The following LRRC40 variants were observed in gnomAD, a reference collection of about 807,000 sequenced individuals.
LRRC40 encodes leucine-rich repeat-containing protein 40.
A neutral mutation model predicts 72.8 loss-of-function variants in LRRC40; 76 were observed. That is an observed-to-expected ratio of 1.04 (90% confidence interval 0.87 to 1.26). The LOEUF (loss-of-function observed/expected upper bound fraction) is 1.26, where lower values mean the gene tolerates loss of function less well. LRRC40 is among the 50% of genes most tolerant of loss of function. The pLI, the probability that LRRC40 is intolerant of heterozygous loss-of-function variation, is 0.00. For missense variants in LRRC40, 684 were observed against 698.9 expected, an observed-to-expected ratio of 0.98 and a Z score of 0.24; for synonymous variants, 243 against 254.2, an observed-to-expected ratio of 0.96 and a Z score of 0.42.
chr1:70,189,120 C>T lies in LRRC40; in HGVS notation c.305G>A (p.Arg102Gln), dbSNP rs761535621. The change falls in exon 2 of 15, where the codon CGA becomes CAA. Residue 102 changes from arginine (R) to glutamine (Q), a missense_variant. Arg to Gln is a conservative substitution (Grantham distance 43). Coordinates refer to ENST00000370952, the MANE Select transcript of LRRC40 (RefSeq NM_017768.5). ...NKLQSLTDDL[R>Q]LLPALTVLDI... ...AAGAACAGTCAGTGCAGGCAAGAGT[C>T]GCAGGTCATCTGTAAGTGACTGAAG... 9 of 1,613,388 alleles carry T rather than the reference C, an allele frequency of 5.6e-6. No homozygotes were observed. In the South Asian group the frequency reaches 6.6e-5, roughly 12 times the overall value.
At chr1:70,178,330 C>A (rs1208049803) in intron 6 of LRRC40, among the ~76,000 whole-genome samples, 1 of 152,136 alleles carries the variant, frequency 6.6e-6, no homozygotes. Flanking sequence ...TTTTTCAGTT[C>A]ATTTTATATA....
intron 11 of LRRC40, 79 bp downstream of exon 11, chr1:70,155,610 G>T: frequency 1.7e-6 from 1 of 591,836 alleles, no homozygotes. Context: ...AAACCAATAT[G>T]GAAAAACCAA....
At chr1:70,192,973 TAAAAA>T (rs956932454) in intron 1 of LRRC40, among the ~76,000 whole-genome samples, 1 of 150,766 alleles carries the variant, frequency 6.6e-6, no homozygotes, top group East Asian at 1.9e-4. Flanking sequence ...AATAAATGTT[TAAAAA>T]AAAACAGTAT....
chr1:70,204,606 G>GTT (rs1668859189), intron 1 of LRRC40, among the ~76,000 whole-genome samples: 1 of 152,028 alleles, frequency 6.6e-6, no homozygotes, highest in Non-Finnish European at 1.5e-5. Flanking sequence ...GTCACAATAA[G>GTT]AAAGCAATCA....
chr1:70,160,976 C>T (rs186873903), intron 9 of LRRC40, among the ~76,000 whole-genome samples: 99 of 151,716 alleles, frequency 6.5e-4, no homozygotes, highest in African/African-American at 2.4e-3. Context: ...AATAGAAGAT[C>T]CTATAGGTTT....
At chr1:70,179,568 T>C (rs574620484) in intron 5 of LRRC40, among the ~76,000 whole-genome samples, 99 of 152,326 alleles carry the variant, frequency 6.5e-4, no homozygotes, top group African/African-American at 2.1e-3. Context: ...AGCTTAAAAG[T>C]ATCATTGTCA....
At chr1:70,155,664 A>G (rs1200210395) in intron 11 of LRRC40, 25 bp downstream of exon 11, 2 of 1,116,034 alleles carry the variant, frequency 1.8e-6, no homozygotes. Context: ...GTCACAACCT[A>G]TAGACATGGC....
chr1:70,187,004 TA>T lies in LRRC40; in HGVS notation c.407+260del, dbSNP rs370951818. ...TAACAAACCACTAAGAATTGTTTTA[TA>T]AAAAAAAAAAAATTTAAGCATTTAA... is the stretch of plus-strand genomic sequence containing the variant. On this transcript the variant is annotated intron_variant, in intron 3 of 14. Coordinates refer to ENST00000370952, the MANE Select transcript of LRRC40 (RefSeq NM_017768.5). 5.2e-3 allele frequency among the ~76,000 whole-genome samples: 722 copies of T among 139,594 alleles called. 7 individuals carry two copies. Among genetic ancestry groups the T allele is most frequent in the African/African-American group, 0.014 (551 of 38,238 alleles). 91.6% of individuals were successfully genotyped at this position (139,594 alleles called of 152,430 possible). A position where few individuals can be genotyped will look rare whatever the true frequency, so the allele number is the denominator to read the frequency against.
chr1:70,205,573 C>G lies in LRRC40; in HGVS notation c.-33G>C, dbSNP rs1668934358. The G allele has an allele frequency of 2.6e-6, 4 of 1,561,498 alleles. No homozygotes were observed. The East Asian group carries it at 9.1e-5, about 36-fold the overall frequency. ...GTCCTAGGTCCAGAAGCTGCAGCCC[C>G]ACCCGTGACGCTTAAAGGTGGCGCC... On this transcript the variant is annotated 5_prime_UTR_variant, in exon 1 of 15. Coordinates refer to ENST00000370952, the MANE Select transcript of LRRC40 (RefSeq NM_017768.5).
At chr1:70,202,997 C>G (rs1223641787) in intron 1 of LRRC40, among the ~76,000 whole-genome samples, 1 of 152,168 alleles carries the variant, frequency 6.6e-6, no homozygotes, top group East Asian at 1.9e-4. Context: ...CTCAAGCAAT[C>G]CTCCCACCTC....
At chr1:70,164,034 G>A (rs1376627365) in intron 9 of LRRC40, among the ~76,000 whole-genome samples, 1 of 152,122 alleles carries the variant, frequency 6.6e-6, no homozygotes, top group East Asian at 1.9e-4. Flanking sequence ...GTCCTCATAT[G>A]GCATAAGGCA....
At chr1:70,164,534 C>CT (rs1360453669) in intron 9 of LRRC40, among the ~76,000 whole-genome samples, 1 of 152,164 alleles carries the variant, frequency 6.6e-6, no homozygotes, top group Non-Finnish European at 1.5e-5. Flanking sequence ...GAAACCATCA[C>CT]TGAAACCACA....
intron 1 of LRRC40, among the ~76,000 whole-genome samples, chr1:70,198,190 A>G (rs1014321835): frequency 6.6e-6 from 1 of 152,170 alleles, no homozygotes; most frequent in African/African-American, 2.4e-5. Flanking sequence ...CTACACAAAT[A>G]AAAGCTAACC....
chr1:70,147,376 A>C (rs1667334068), intron 14 of LRRC40, among the ~76,000 whole-genome samples: 1 of 152,194 alleles, frequency 6.6e-6, no homozygotes, highest in African/African-American at 2.4e-5. Flanking sequence ...CCTAAGGACA[A>C]ATGTGGATTA....
chr1:70,197,822 G>A (rs555377034), intron 1 of LRRC40, among the ~76,000 whole-genome samples: 80 of 152,092 alleles, frequency 5.3e-4, no homozygotes, highest in African/African-American at 1.7e-3. Flanking sequence ...GCTCATGCCT[G>A]TAATCCCAGC....
intron 5 of LRRC40, 58 bp from the exon 6 acceptor site, chr1:70,179,051 G>T: frequency 9.2e-7 from 1 of 1,081,750 alleles, no homozygotes; most frequent in Non-Finnish European, 1.3e-6. Flanking sequence ...GTTTCTGATC[G>T]TATACAACTT....
At chr1:70,197,819 C>A (rs1342026990) in intron 1 of LRRC40, among the ~76,000 whole-genome samples, 1 of 152,034 alleles carries the variant, frequency 6.6e-6, no homozygotes, top group Non-Finnish European at 1.5e-5. Context: ...GTGGCTCATG[C>A]CTGTAATCCC....
At chr1:70,175,032 C>G (rs1178260823) in intron 7 of LRRC40, among the ~76,000 whole-genome samples, 3 of 151,616 alleles carry the variant, frequency 2.0e-5, no homozygotes, top group Admixed American at 2.0e-4. Context: ...TGGGGCTTTA[C>G]AGGGGAGAAG....
At chr1:70,195,470 G>A (rs565450996) in intron 1 of LRRC40, among the ~76,000 whole-genome samples, 1 of 151,330 alleles carries the variant, frequency 6.6e-6, no homozygotes, top group Admixed American at 6.6e-5. Flanking sequence ...TAGTTTTAAA[G>A]GACATGCAAA....
Sources: allele counts gnomAD v4.1 joint callset (sites outside exome capture counted in the v4.1 genomes callset), GRCh38; gene constraint gnomAD v4.1.1; transcripts MANE v1.5; gene names NCBI Gene and HGNC (gene_info 2026-07-23, HGNC 2026-07-21).